Variants in SNX29 observed in about 807,000 individuals in gnomAD.
SNX29 encodes sorting nexin-29.
Under a neutral mutation model 102.1 loss-of-function variants are expected in SNX29, and 78 were observed. The observed-to-expected ratio is 0.76, with a 90% CI of 0.64 to 0.92. The LOEUF is 0.92. SNX29 is among the 40% of genes least tolerant of loss of function. SNX29 has a pLI of 0.00. For missense variants in SNX29, 1,280 were observed against 1,061.7 expected, an observed-to-expected ratio of 1.21 and a Z score of -2.86; for synonymous variants, 580 against 414.5, an observed-to-expected ratio of 1.40 and a Z score of -4.85.
rs569457851 is a variant in SNX29 at position 12,253,102 on chromosome 16, G to T, written c.1679-24831G>T. Among the ~76,000 whole-genome samples, 5 of 152,282 alleles carry T rather than the reference G, an allele frequency of 3.3e-5. No individual in the cohort carries two copies. The East Asian group carries it at 9.6e-4, about 29-fold the overall frequency. ...GAGGCATGTTCAAGGGTTCATTCACGAGCTGTTCCCTAACCCTCCTGCCCC... is the reference window on the plus strand; with the variant it reads ...GAGGCATGTTCAAGGGTTCATTCACTAGCTGTTCCCTAACCCTCCTGCCCC... On this transcript the variant is annotated intron_variant, in intron 14 of 20. Coordinates refer to ENST00000566228, the MANE Select transcript of SNX29 (RefSeq NM_032167.5).
At chr16:11,976,958 C>T (rs1217009994) in intron 1 of SNX29, 145 bp downstream of exon 1, 11 of 1,094,096 alleles carry the variant, frequency 1.0e-5, no homozygotes, top group African/African-American at 9.8e-5. Context: ...CCCTGGCCCC[C>T]AGGACTCCCG....
At chr16:12,379,809 T>G (rs923983874) in intron 16 of SNX29, among the ~76,000 whole-genome samples, 1 of 152,190 alleles carries the variant, frequency 6.6e-6, no homozygotes, top group African/African-American at 2.4e-5. Flanking sequence ...ATTGGCTTCC[T>G]AAGTCATCGA....
intron 15 of SNX29, among the ~76,000 whole-genome samples, chr16:12,297,652 C>T (rs567156776): frequency 6.6e-6 from 1 of 152,070 alleles, no homozygotes; most frequent in African/African-American, 2.4e-5. Flanking sequence ...TAATTGCATT[C>T]GTCATAACAC....
rs28417794 is a variant in SNX29 at position 12,570,425 on chromosome 16, T to C, written c.*1796T>C. The C allele has an allele frequency of 3.7e-3, 936 of 253,418 alleles. 7 individuals are homozygous for C. The highest frequency in any genetic ancestry group is 0.018 in the African/African-American group (825 of 45,776). 15.7% of individuals were successfully genotyped at this position (253,418 alleles called of 1,614,324 possible). ...CACATCAGCTCACATGACTGGCAACTCTAAATAGAGAGCCCTAATGGACTG... is the reference window on the plus strand; with the variant it reads ...CACATCAGCTCACATGACTGGCAACCCTAAATAGAGAGCCCTAATGGACTG... On this transcript the variant is annotated 3_prime_UTR_variant, in exon 21 of 21. Coordinates refer to ENST00000566228, the MANE Select transcript of SNX29 (RefSeq NM_032167.5).
intron 20 of SNX29, among the ~76,000 whole-genome samples, chr16:12,552,329 C>T (rs182395624): frequency 2.0e-5 from 3 of 152,264 alleles, no homozygotes; most frequent in South Asian, 2.1e-4. Context: ...TGGAACTCCT[C>T]TCCTGGCTTC....
At chr16:12,312,614 T>C (rs2080595733) in intron 15 of SNX29, among the ~76,000 whole-genome samples, 1 of 151,894 alleles carries the variant, frequency 6.6e-6, no homozygotes, top group South Asian at 2.1e-4. Context: ...GAGCTTAAGA[T>C]CTCGTACTTC....
chr16:12,024,982 T>C (rs2057147347), intron 3 of SNX29, among the ~76,000 whole-genome samples: 1 of 152,030 alleles, frequency 6.6e-6, no homozygotes, highest in South Asian at 2.1e-4. Context: ...TTGGTGGACG[T>C]CCCAGCTTTC....
At position 12,573,862 on chromosome 16, in the gene SNX29, C is replaced by T. The variant is rs140961090; in HGVS notation, c.*5233C>T. The T allele has an allele frequency of 4.9e-4, 103 of 210,646 alleles. 1 individual carries two copies. The highest frequency in any genetic ancestry group is 2.1e-3 in the African/African-American group (93 of 44,178). 13.0% of individuals were successfully genotyped at this position (210,646 alleles called of 1,614,324 possible). A position where few individuals can be genotyped will look rare whatever the true frequency, so the allele number is the denominator to read the frequency against. On this transcript the variant is annotated 3_prime_UTR_variant, in exon 21 of 21. Coordinates refer to ENST00000566228, the MANE Select transcript of SNX29 (RefSeq NM_032167.5). ...GGACTCATCCTAAGAAGAATGTTGGCCTCTCTTCATCCCTGGCTTAGCCGT... is the reference window on the plus strand; with the variant it reads ...GGACTCATCCTAAGAAGAATGTTGGTCTCTCTTCATCCCTGGCTTAGCCGT...
At chr16:12,005,008 C>T (rs938213350) in intron 3 of SNX29, among the ~76,000 whole-genome samples, 3 of 152,152 alleles carry the variant, frequency 2.0e-5, no homozygotes, top group Non-Finnish European at 2.9e-5. Flanking sequence ...ATTTGTTATC[C>T]GGATGAGCGT....
intron 11 of SNX29, among the ~76,000 whole-genome samples, chr16:12,125,052 G>GT (rs2054146131): frequency 6.6e-6 from 1 of 152,138 alleles, no homozygotes; most frequent in Non-Finnish European, 1.5e-5. Flanking sequence ...AAAATTACAT[G>GT]TTCGGGAGCT....
chr16:12,318,336 T>G (rs2080820249), intron 15 of SNX29, among the ~76,000 whole-genome samples: 1 of 152,188 alleles, frequency 6.6e-6, no homozygotes, highest in Non-Finnish European at 1.5e-5. Flanking sequence ...TGACTCAAAA[T>G]TTTCTCTGGG....
chr16:12,206,384 CAA>C (rs59859762), intron 14 of SNX29, among the ~76,000 whole-genome samples: 245 of 92,104 alleles, frequency 2.7e-3, no homozygotes, highest in African/African-American at 9.7e-3. Flanking sequence ...AAATAGCTTT[CAA>C]AAAAAAAAAA....
At chr16:12,313,046 ACT>A (rs1227628162) in intron 15 of SNX29, among the ~76,000 whole-genome samples, 3 of 148,794 alleles carry the variant, frequency 2.0e-5, no homozygotes, top group African/African-American at 7.4e-5. Context: ...ACGGAGTATC[ACT>A]CTGTCACCCA....
intron 20 of SNX29, chr16:12,527,145 C>T (rs2076806599): frequency 1.9e-6 from 1 of 514,802 alleles, no homozygotes; most frequent in South Asian, 1.6e-5. Flanking sequence ...CCCACAGCCC[C>T]CTTCTCCTTC....
At chr16:12,272,291 A>G (rs1238318548) in intron 14 of SNX29, among the ~76,000 whole-genome samples, 2 of 152,040 alleles carry the variant, frequency 1.3e-5, no homozygotes, top group East Asian at 3.9e-4. Flanking sequence ...TGCTAATGAG[A>G]TGTGTGGACT....
intron 13 of SNX29, among the ~76,000 whole-genome samples, chr16:12,173,162 A>G (rs1208919150): frequency 6.6e-6 from 1 of 152,236 alleles, no homozygotes; most frequent in Non-Finnish European, 1.5e-5. Context: ...TTGGTGAGTG[A>G]CTGCCGGAGA....
chr16:12,556,703 G>C (rs11644439), intron 20 of SNX29, among the ~76,000 whole-genome samples: 29,888 of 152,104 alleles, frequency 0.2, 3,125 homozygotes, highest in East Asian at 0.43. Flanking sequence ...AGAAGCCAAA[G>C]GCCAGTGGGT....
chr16:12,126,155 G>C (rs1459380252), intron 11 of SNX29, among the ~76,000 whole-genome samples: 1 of 152,146 alleles, frequency 6.6e-6, no homozygotes, highest in African/African-American at 2.4e-5. Flanking sequence ...ACCCACTTGG[G>C]CTTGTGAACC....
intron 11 of SNX29, among the ~76,000 whole-genome samples, chr16:12,085,613 C>T (rs2052134054): frequency 6.6e-6 from 1 of 152,174 alleles, no homozygotes; most frequent in Non-Finnish European, 1.5e-5. Flanking sequence ...AGGCGTGAGC[C>T]ACCGTGCCCA....
Sources: allele counts gnomAD v4.1 joint callset (sites outside exome capture counted in the v4.1 genomes callset), GRCh38; gene constraint gnomAD v4.1.1; transcripts MANE v1.5; gene names NCBI Gene and HGNC (gene_info 2026-07-23, HGNC 2026-07-21).